The following RNLS variants were observed in gnomAD, a reference collection of about 807,000 sequenced individuals.
RNLS encodes the protein renalase, FAD dependent amine oxidase.
In RNLS, 39 loss-of-function variants were observed where a neutral mutation model predicts 39.8. The observed-to-expected ratio is 0.98, with a 90% CI of 0.76 to 1.28. The LOEUF (loss-of-function observed/expected upper bound fraction) is 1.28, where lower values mean the gene tolerates loss of function less well. RNLS is among the 50% of genes most tolerant of loss of function. The probability of loss-of-function intolerance (pLI) is 0.00; values close to 1 mark genes in which losing one functional copy is unlikely to be tolerated. For synonymous variants in RNLS, 147 were observed against 150.7 expected (o/e 0.98, Z 0.18); for missense variants, 410 against 413.3 (o/e 0.99, Z 0.07).
chr10:88,330,353 C>T (rs7097840), intron 5 of RNLS, among the ~76,000 whole-genome samples: 2,826 of 152,052 alleles, frequency 0.019, 80 homozygotes, highest in African/African-American at 0.065. Flanking sequence ...ATACAATATG[C>T]TGGCAGAATG....
At chr10:88,278,310 T>A (rs1337303012) in intron 6 of RNLS, among the ~76,000 whole-genome samples, 1 of 152,194 alleles carries the variant, frequency 6.6e-6, no homozygotes, top group Non-Finnish European at 1.5e-5. Context: ...TTGATTATTT[T>A]CCGAAGGATA....
rs542507846 is a variant in RNLS at position 88,576,877 on chromosome 10, G to A, written c.368-3816C>T. Among the ~76,000 whole-genome samples the A allele has an allele frequency of 3.3e-4, 50 of 152,146 alleles. 2 individuals carry two copies. In the South Asian group the frequency reaches 7.3e-3, roughly 22 times the overall value. ...TTTGCAAATGTTGACTTTCTGGATCGCTAGCCAATGTCCTTTTTAGGTAGA... is the reference window on the plus strand; with the variant it reads ...TTTGCAAATGTTGACTTTCTGGATCACTAGCCAATGTCCTTTTTAGGTAGA... On this transcript the variant is annotated intron_variant, in intron 3 of 6. Coordinates refer to ENST00000331772, the MANE Select transcript of RNLS (RefSeq NM_001031709.3).
rs771032028 is a variant in RNLS at position 88,573,061 on chromosome 10, C to T, written c.368G>A (p.Gly123Asp). 1 of 1,612,960 alleles carries T rather than the reference C, an allele frequency of 6.2e-7. No homozygotes were observed. The highest frequency in any genetic ancestry group is 8.5e-7 in the Non-Finnish European group (1 of 1,179,316). The stretch of plus-strand genomic sequence containing the variant: ...ACGATGTCTGAAGTAGACTTCTGCA[C>T]CTGTTCCAAAAGCAAAATCATGTCC... Reference protein sequence around the residue: ...SIIKHYLKESGAEVYFRHRVT... With the variant: ...SIIKHYLKESDAEVYFRHRVT... Residue 123 changes from glycine (G) to aspartate (D), a missense_variant and splice_region_variant, in exon 4 of 7, where the codon GGT (glycine) becomes GAT (aspartate). Physicochemically the swap from Gly to Asp is moderately conservative, Grantham distance 94. Transcript: ENST00000331772.
the RNLS span, among the ~76,000 whole-genome samples, chr10:88,229,029 C>G: frequency 6.6e-6 from 1 of 152,192 alleles, no homozygotes; most frequent in Non-Finnish European, 1.5e-5. Flanking sequence ...ATCCATCAAT[C>G]CACCCATCCA....
intron 4 of RNLS, among the ~76,000 whole-genome samples, chr10:88,415,318 T>C (rs1016339141): frequency 3.3e-5 from 5 of 152,358 alleles, no homozygotes; most frequent in Admixed American, 1.3e-4. Flanking sequence ...GAAAGGTATA[T>C]GGCATTTGAA....
At chr10:88,458,440 A>G (rs1842756564) in intron 4 of RNLS, among the ~76,000 whole-genome samples, 1 of 151,876 alleles carries the variant, frequency 6.6e-6, no homozygotes, top group Admixed American at 6.6e-5. Context: ...CACTTCCTAC[A>G]TTCACACCCA....
At chr10:88,251,240 C>T in the RNLS span, among the ~76,000 whole-genome samples, 2 of 152,162 alleles carry the variant, frequency 1.3e-5, no homozygotes, top group Non-Finnish European at 2.9e-5. Context: ...ACTAGAAGTC[C>T]AGATAACTGC....
intron 4 of RNLS, among the ~76,000 whole-genome samples, chr10:88,364,318 TAGAG>T (rs1032241260): frequency 1.3e-5 from 2 of 152,066 alleles, no homozygotes; most frequent in African/African-American, 4.8e-5. Flanking sequence ...CTTTAGGAGG[TAGAG>T]AGAGGCAGGA....
At chr10:88,391,180 G>T (rs1255544555) in intron 4 of RNLS, among the ~76,000 whole-genome samples, 1 of 152,134 alleles carries the variant, frequency 6.6e-6, no homozygotes, top group Middle Eastern at 3.2e-3. Flanking sequence ...CAGTGTAGTT[G>T]TCCCCAAGCA....
chr10:88,314,366 A>G, intron 6 of RNLS, 100 bp downstream of exon 6: 1 of 1,246,550 alleles, frequency 8.0e-7, no homozygotes, highest in Non-Finnish European at 1.1e-6. Flanking sequence ...CACATAGTTA[A>G]TTTATTTCAC....
chr10:88,481,721 T>C (rs897570615), intron 4 of RNLS, among the ~76,000 whole-genome samples: 1 of 152,172 alleles, frequency 6.6e-6, no homozygotes, highest in African/African-American at 2.4e-5. Flanking sequence ...AAGAAGTTAC[T>C]ATGTGAGAAA....
At chr10:88,578,655 A>G (rs189910686) in intron 3 of RNLS, among the ~76,000 whole-genome samples, 15 of 152,278 alleles carry the variant, frequency 9.9e-5, no homozygotes, top group Admixed American at 7.9e-4. Flanking sequence ...AATTTTTAAC[A>G]TTTATATCAC....
At chr10:88,554,156 A>C (rs1848734047) in intron 4 of RNLS, among the ~76,000 whole-genome samples, 1 of 151,692 alleles carries the variant, frequency 6.6e-6, no homozygotes, top group African/African-American at 2.4e-5. Context: ...ATCATTGTTG[A>C]TTTTAATTAG....
chr10:88,192,201 C>A, the RNLS span, among the ~76,000 whole-genome samples: 1 of 152,094 alleles, frequency 6.6e-6, no homozygotes, highest in Admixed American at 6.6e-5. Flanking sequence ...CGGGACCTTG[C>A]TGCCTGGATA....
At chr10:88,469,529 C>T (rs1458257552) in intron 4 of RNLS, among the ~76,000 whole-genome samples, 1 of 151,996 alleles carries the variant, frequency 6.6e-6, no homozygotes, top group Admixed American at 6.6e-5. Context: ...AGTCAGGTGG[C>T]AGAAGTGTTA....
At chr10:88,223,721 A>G in the RNLS span, among the ~76,000 whole-genome samples, 1 of 152,168 alleles carries the variant, frequency 6.6e-6, no homozygotes, top group African/African-American at 2.4e-5. Context: ...TTACCCCCCA[A>G]TTCTCTTGGA....
chr10:88,519,153 G>A (rs1232178158), intron 4 of RNLS, among the ~76,000 whole-genome samples: 1 of 151,942 alleles, frequency 6.6e-6, no homozygotes, highest in African/African-American at 2.4e-5. Flanking sequence ...ATCTCCACAG[G>A]TGAACCTAAT....
At chr10:88,497,112 A>G (rs1485580674) in intron 4 of RNLS, among the ~76,000 whole-genome samples, 1 of 152,108 alleles carries the variant, frequency 6.6e-6, no homozygotes, top group Non-Finnish European at 1.5e-5. Flanking sequence ...GTCTGAGGTA[A>G]ATGGAAAATG....
At chr10:88,175,245 A>G in the RNLS span, among the ~76,000 whole-genome samples, 2 of 151,706 alleles carry the variant, frequency 1.3e-5, no homozygotes, top group African/African-American at 2.4e-5. Context: ...GCTGTATTTC[A>G]TTTAGTTCTG....
Sources: gnomAD v4.1 joint callset for allele counts (sites outside exome capture counted in the v4.1 genomes callset) on GRCh38, gnomAD v4.1.1 for gene constraint, MANE v1.5 for transcripts, NCBI Gene and HGNC (gene_info 2026-07-23, HGNC 2026-07-21) for gene names.